The following EXOSC10 variants were observed in gnomAD, a reference collection of about 807,000 sequenced individuals.
EXOSC10 encodes the protein exosome complex component 10.
Under a neutral mutation model 126.6 loss-of-function variants are expected in EXOSC10, and 94 were observed. The observed-to-expected ratio is 0.74, with a 90% CI of 0.63 to 0.88. The LOEUF (loss-of-function observed/expected upper bound fraction) is 0.88, where lower values mean the gene tolerates loss of function less well. EXOSC10 is among the 40% of genes least tolerant of loss of function. EXOSC10 has a pLI of 0.00. For synonymous variants in EXOSC10, 395 were observed against 400.8 expected, an observed-to-expected ratio of 0.99 and a Z score of 0.17; for missense variants, 1,041 against 1,100.5, an observed-to-expected ratio of 0.95 and a Z score of 0.77.
chr1:11,093,864 G>A (rs1043834006), intron 3 of EXOSC10, among the ~76,000 whole-genome samples: 1 of 152,014 alleles, frequency 6.6e-6, no homozygotes, highest in Non-Finnish European at 1.5e-5. Flanking sequence ...GGCCAGGATT[G>A]TTTGAGGAGT....
chr1:11,089,497 A>G (rs1398917053), intron 6 of EXOSC10, among the ~76,000 whole-genome samples: 3 of 150,558 alleles, frequency 2.0e-5, no homozygotes, highest in Non-Finnish European at 4.4e-5. Context: ...ACATGCCTAT[A>G]ATAATCCCAG....
At chr1:11,084,792 T>C (rs977845579) in intron 9 of EXOSC10, among the ~76,000 whole-genome samples, 1 of 152,226 alleles carries the variant, frequency 6.6e-6, no homozygotes, top group Non-Finnish European at 1.5e-5. Context: ...CCATCTTGAA[T>C]TGATTTTTGT....
rs200090175 is a variant in EXOSC10 at position 11,087,592 on chromosome 1, C to T, written c.946-1G>A. On this transcript the variant is annotated splice_acceptor_variant, in intron 8 of 24. Coordinates refer to ENST00000376936, the MANE Select transcript of EXOSC10 (RefSeq NM_001001998.3). LOFTEE classifies it high-confidence loss of function. ...CCAGGAAGCTCCTGTAAGAGTGGTG[C>T]TAAACCCCACAGAAGGAGGGGAGAA... 3 of 1,613,938 alleles carry T rather than the reference C, an allele frequency of 1.9e-6. No individual in the cohort carries two copies. Among genetic ancestry groups the T allele is most frequent in the Non-Finnish European group, 2.5e-6 (3 of 1,179,980 alleles).
intron 3 of EXOSC10, among the ~76,000 whole-genome samples, chr1:11,094,715 C>T (rs1273398574): frequency 6.6e-6 from 1 of 151,986 alleles, no homozygotes; most frequent in Non-Finnish European, 1.5e-5. Flanking sequence ...ATTCTCCTGC[C>T]TCAGCCTCCT....
At chr1:11,079,909 C>A in intron 13 of EXOSC10, 87 bp from the exon 14 acceptor site, 2 of 1,087,092 alleles carry the variant, frequency 1.8e-6, no homozygotes. Flanking sequence ...CTGGGTAAAG[C>A]CAGGCTGCCA....
At chr1:11,089,342 G>A (rs144943402) in intron 6 of EXOSC10, among the ~76,000 whole-genome samples, 108 of 151,982 alleles carry the variant, frequency 7.1e-4, no homozygotes, top group African/African-American at 2.2e-3. Flanking sequence ...GGGTGCGGTG[G>A]CTCGGGCCTG....
At chr1:11,088,295 A>G in intron 6 of EXOSC10, 97 bp from the exon 7 acceptor site, 3 of 788,200 alleles carry the variant, frequency 3.8e-6, no homozygotes, top group Non-Finnish European at 6.1e-6. Flanking sequence ...ACAAATGAGA[A>G]AAGACCACTG....
Position 11,082,854 on chromosome 1 carries a change from T to C in EXOSC10, c.1114A>G (p.Ile372Val), listed in dbSNP as rs1640245452. ...CCAAAGTCTTTCTGTAGCCATTCTA[T>C]GTCTGAATCAGCACCATGAAAGACC... ...VKVFHGADSD[I>V]EWLQKDFGLY... The change falls in exon 10 of 25, where the codon ATA becomes GTA. Residue 372 changes from isoleucine (I) to valine (V), a missense_variant. Around this residue, in one of 3 missense-constraint regions of EXOSC10, gnomAD observed 645 missense variants for 656.3 expected, o/e 0.98. Coordinates refer to ENST00000376936, the MANE Select transcript of EXOSC10 (RefSeq NM_001001998.3). 2 of 1,614,218 alleles carry C rather than the reference T, an allele frequency of 1.2e-6. No homozygotes were observed. The highest frequency in any genetic ancestry group is 2.2e-5 in the East Asian group (1 of 44,886).
chr1:11,072,400 A>G, intron 19 of EXOSC10: 1 of 456,332 alleles, frequency 2.2e-6, no homozygotes, highest in Non-Finnish European at 3.9e-6. Flanking sequence ...GCCATCCATC[A>G]TCTCATTCAA....
At chr1:11,084,702 G>A (rs1640391735) in intron 9 of EXOSC10, among the ~76,000 whole-genome samples, 1 of 152,160 alleles carries the variant, frequency 6.6e-6, no homozygotes, top group East Asian at 1.9e-4. Flanking sequence ...CCTTGCCCAT[G>A]CCTATGTCCT....
At chr1:11,069,157 G>C (rs78794750) in intron 22 of EXOSC10, among the ~76,000 whole-genome samples, 1 of 151,906 alleles carries the variant, frequency 6.6e-6, no homozygotes, top group Admixed American at 6.6e-5. Flanking sequence ...CAAAGCAGAC[G>C]GACTCTCACA....
At chr1:11,079,921 C>G (rs570991093) in intron 13 of EXOSC10, 99 bp from the exon 14 acceptor site, 1 of 970,150 alleles carries the variant, frequency 1.0e-6, no homozygotes, top group African/African-American at 1.6e-5. Context: ...AGGCTGCCAC[C>G]TAAGCTGAAG....
At position 11,079,659 on chromosome 1, in the gene EXOSC10, G is replaced by A; in HGVS notation, c.1749+52C>T. ...TCCAGCCACCTCAGCCTCCCAAAGTGCTGAGATTATAGGCGTGAGCCACTG... is the reference window on the plus strand; with the variant it reads ...TCCAGCCACCTCAGCCTCCCAAAGTACTGAGATTATAGGCGTGAGCCACTG... On this transcript the variant is annotated intron_variant, in intron 14 of 24. Transcript: ENST00000376936. The A allele has an allele frequency of 8.1e-6, 12 of 1,481,586 alleles. No individual in the cohort carries two copies. The South Asian group carries it at 1.3e-4, about 16-fold the overall frequency. 91.8% of individuals were successfully genotyped at this position (1,481,586 alleles called of 1,614,324 possible).
chr1:11,078,848 C>A (rs1639974795), intron 14 of EXOSC10, among the ~76,000 whole-genome samples: 1 of 152,188 alleles, frequency 6.6e-6, no homozygotes, highest in Non-Finnish European at 1.5e-5. Flanking sequence ...GTACTTGCTG[C>A]TGAATCATCA....
In EXOSC10 at chr1:11,091,141, G is replaced by T; in HGVS notation, c.516C>A (p.Phe172Leu). 6.2e-7 allele frequency: 1 copy of T among 1,614,158 alleles called. No homozygotes were observed. The highest frequency in any genetic ancestry group is 8.5e-7 in the Non-Finnish European group (1 of 1,180,018). The change falls in exon 5 of 25, where the codon TTC (phenylalanine) becomes TTA (leucine). Residue 172 changes from phenylalanine (F) to leucine (L), a missense_variant. Coordinates refer to ENST00000376936, the MANE Select transcript of EXOSC10 (RefSeq NM_001001998.3). ...TGATATTTTTTGCATGAAGCAGCCG[G>T]AAAGTTTCAGATTTTGCTTTTTTGC... ...EYGKKAKSET[F>L]RLLHAKNIIR...
chr1:11,079,803 C>T lies in EXOSC10; in HGVS notation c.1657G>A (p.Ala553Thr). Residue 553 changes from alanine (A) to threonine (T), a missense_variant, in exon 14 of 25, where the codon GCT becomes ACT. Physicochemically the swap from Ala to Thr is moderately conservative, Grantham distance 58. Coordinates refer to ENST00000376936, the MANE Select transcript of EXOSC10 (RefSeq NM_001001998.3). ...ELPKEPQGIIACCNPVPPLVR... is the reference protein window; with the variant it reads ...ELPKEPQGIITCCNPVPPLVR... ...AGGGGCGGTACTGGGTTGCAGCAAG[C>T]TATGATGCCCTGAGGTTCCCTGAAG... The T allele has an allele frequency of 6.2e-7, 1 of 1,613,028 alleles. No homozygotes were observed. Among genetic ancestry groups the T allele is most frequent in the Non-Finnish European group, 8.5e-7 (1 of 1,179,562 alleles).
Position 11,079,888 on chromosome 1 carries a change from A to G in EXOSC10, c.1638-66T>C, listed in dbSNP as rs931941275. 3.0e-5 allele frequency: 38 copies of G among 1,274,816 alleles called. 1 individual carries two copies. The South Asian group carries it at 4.7e-4, about 16-fold the overall frequency. 79.0% of individuals were successfully genotyped at this position (1,274,816 alleles called of 1,614,324 possible). On this transcript the variant is annotated intron_variant, in intron 13 of 24. Transcript: ENST00000376936. The stretch of plus-strand genomic sequence containing the variant: ...ACGCAGCCCTTAAAGGCTTCCAGAT[A>G]AGAATAATGACTGGGTAAAGCCAGG...
At chr1:11,084,675 T>G (rs1158531409) in intron 9 of EXOSC10, among the ~76,000 whole-genome samples, 5 of 152,224 alleles carry the variant, frequency 3.3e-5, no homozygotes, top group Non-Finnish European at 7.3e-5. Flanking sequence ...TTGCTTTTGG[T>G]GTCTTAGACA....
chr1:11,082,580 C>A, intron 10 of EXOSC10, 108 bp downstream of exon 10: 1 of 1,529,196 alleles, frequency 6.5e-7, no homozygotes, highest in South Asian at 1.3e-5. Flanking sequence ...TGATGCCATT[C>A]ATCTCAATGA....
Sources: allele counts gnomAD v4.1 joint callset (sites outside exome capture counted in the v4.1 genomes callset), GRCh38; gene constraint gnomAD v4.1.1; regional missense constraint gnomAD v4.1.1; transcripts MANE v1.5; gene names NCBI Gene and HGNC (gene_info 2026-07-23, HGNC 2026-07-21).